Variants in GALNTL6 observed in about 807,000 individuals in gnomAD.
GALNTL6 encodes polypeptide N-acetylgalactosaminyltransferase like 6, also known as polypeptide N-acetylgalactosaminyltransferase-like 6.
A neutral mutation model predicts 73.7 loss-of-function variants in GALNTL6; 46 were observed. The ratio of observed to expected loss-of-function variants is 0.62; its 90% confidence interval spans 0.49 to 0.80. The LOEUF is 0.80. GALNTL6 is among the 30% of genes least tolerant of loss of function. The pLI, the probability that GALNTL6 is intolerant of heterozygous loss-of-function variation, is 0.00. For synonymous variants in GALNTL6, 259 were observed against 263.7 expected, an observed-to-expected ratio of 0.98 and a Z score of 0.17; for missense variants, 604 against 755.0, an observed-to-expected ratio of 0.80 and a Z score of 2.34.
chr4:172,347,892 A>G (rs1004028242), intron 4 of GALNTL6, among the ~76,000 whole-genome samples: 4 of 152,198 alleles, frequency 2.6e-5, no homozygotes, highest in African/African-American at 9.6e-5. Flanking sequence ...CAACAATGAA[A>G]AAAATGAACT....
At chr4:172,743,046 A>T (rs1163448653) in intron 5 of GALNTL6, among the ~76,000 whole-genome samples, 1 of 152,058 alleles carries the variant, frequency 6.6e-6, no homozygotes, top group East Asian at 1.9e-4. Context: ...TTCAACACTC[A>T]ATCTTTAAGA....
intron 5 of GALNTL6, among the ~76,000 whole-genome samples, chr4:172,647,243 G>T (rs1740280654): frequency 6.6e-6 from 1 of 152,074 alleles, no homozygotes; most frequent in Non-Finnish European, 1.5e-5. Flanking sequence ...TTGGTGAGGA[G>T]CTTCACAGAG....
chr4:172,422,713 A>G (rs1579057551), intron 5 of GALNTL6, among the ~76,000 whole-genome samples: 1 of 151,782 alleles, frequency 6.6e-6, no homozygotes, highest in Admixed American at 6.6e-5. Flanking sequence ...TACAGGTCTA[A>G]TGGATAATCC....
chr4:171,967,454 T>TTTTTTTTTG (rs761465231), intron 2 of GALNTL6, among the ~76,000 whole-genome samples: 1,142 of 44,488 alleles, frequency 0.026, 14 homozygotes, highest in Middle Eastern at 0.073. Flanking sequence ...TGGGTTTTTT[T>TTTTTTTTTG]TTTTTTTTTT....
chr4:172,373,989 C>T (rs1479134315), intron 5 of GALNTL6, among the ~76,000 whole-genome samples: 1 of 152,174 alleles, frequency 6.6e-6, no homozygotes, highest in Non-Finnish European at 1.5e-5. Flanking sequence ...TGAGCTGGCG[C>T]TTGCCCTGGG....
intron 2 of GALNTL6, among the ~76,000 whole-genome samples, chr4:172,134,534 G>A (rs1015355468): frequency 6.6e-6 from 1 of 152,188 alleles, no homozygotes; most frequent in Non-Finnish European, 1.5e-5. Flanking sequence ...CTGGGTAGAA[G>A]AGGGTATTTT....
chr4:172,138,496 TATATATA>T (rs1733704278), intron 2 of GALNTL6, among the ~76,000 whole-genome samples: 1 of 8,588 alleles, frequency 1.2e-4, no homozygotes, highest in Non-Finnish European at 3.9e-4. Flanking sequence ...TATATATATA[TATATATA>T]TATATATATA....
At chr4:171,988,851 G>A (rs1740214202) in intron 2 of GALNTL6, among the ~76,000 whole-genome samples, 1 of 152,090 alleles carries the variant, frequency 6.6e-6, no homozygotes, top group Admixed American at 6.5e-5. Flanking sequence ...TAAGGAGGGA[G>A]TAGAGGTGTC....
intron 5 of GALNTL6, among the ~76,000 whole-genome samples, chr4:172,782,679 G>A (rs1490735625): frequency 6.6e-6 from 1 of 152,016 alleles, no homozygotes; most frequent in Non-Finnish European, 1.5e-5. Context: ...CGGCTTCTTC[G>A]AAATCTGGGA....
chr4:172,607,960 G>T (rs1460647934), intron 5 of GALNTL6, among the ~76,000 whole-genome samples: 1 of 151,888 alleles, frequency 6.6e-6, no homozygotes, highest in African/African-American at 2.4e-5. Flanking sequence ...CTTTGCATGT[G>T]AATTTGGTGT....
chr4:172,760,205 C>G (rs1484421307), intron 5 of GALNTL6, among the ~76,000 whole-genome samples: 2 of 152,124 alleles, frequency 1.3e-5, no homozygotes, highest in African/African-American at 4.8e-5. Flanking sequence ...CCAGTGAACT[C>G]TGTAGGTAGG....
intron 5 of GALNTL6, among the ~76,000 whole-genome samples, chr4:172,356,705 T>A (rs1742174617): frequency 6.6e-6 from 1 of 152,148 alleles, no homozygotes; most frequent in African/African-American, 2.4e-5. Flanking sequence ...GATGAGGGAT[T>A]TGTAGGTGAC....
Position 172,375,438 on chromosome 4 carries a change from G to A in GALNTL6, c.553+26749G>A, listed in dbSNP as rs192434521. 9.8e-3 allele frequency among the ~76,000 whole-genome samples: 1,497 copies of A among 152,250 alleles called. 13 individuals carry two copies. Among genetic ancestry groups the A allele is most frequent in the Non-Finnish European group, 0.017 (1,176 of 68,028 alleles). On this transcript the variant is annotated intron_variant, in intron 5 of 12. Transcript: ENST00000506823. ...AGCTTTGGATGCATTTCAAGGGTGA[G>A]CCTCTTGATGCCTGAGTGTTTCCCA...
intron 3 of GALNTL6, among the ~76,000 whole-genome samples, chr4:172,232,090 G>C (rs73870042): frequency 6.6e-6 from 1 of 151,834 alleles, no homozygotes; most frequent in Non-Finnish European, 1.5e-5. Context: ...ATAAATAAAA[G>C]TGTATTAAGA....
chr4:171,814,364 T>C, intron 1 of GALNTL6, 48 bp from the exon 2 acceptor site: 1 of 596,634 alleles, frequency 1.7e-6, no homozygotes, highest in Non-Finnish European at 2.9e-6. Flanking sequence ...AGATAATGCC[T>C]TCGTCATAGT....
intron 5 of GALNTL6, among the ~76,000 whole-genome samples, chr4:172,428,770 T>C (rs1334591905): frequency 2.0e-5 from 3 of 152,216 alleles, no homozygotes; most frequent in Admixed American, 1.3e-4. Flanking sequence ...ACAATTTTTT[T>C]CCAAAGTATT....
chr4:172,806,373 A>G (rs899892573), intron 5 of GALNTL6, among the ~76,000 whole-genome samples: 1 of 152,258 alleles, frequency 6.6e-6, no homozygotes, highest in African/African-American at 2.4e-5. Context: ...TACGAAAAAT[A>G]TGCAGTATCA....
intron 5 of GALNTL6, among the ~76,000 whole-genome samples, chr4:172,802,022 C>T (rs529594237): frequency 2.3e-4 from 35 of 152,214 alleles, no homozygotes; most frequent in Middle Eastern, 3.4e-3. Flanking sequence ...ATTCCCTTTC[C>T]ACTTCTTTTT....
chr4:172,356,081 G>A (rs925370660), intron 5 of GALNTL6, among the ~76,000 whole-genome samples: 1 of 152,144 alleles, frequency 6.6e-6, no homozygotes, highest in Non-Finnish European at 1.5e-5. Flanking sequence ...ATATGGGTTT[G>A]GCATAGAAGG....
Sources: allele counts gnomAD v4.1 joint callset (sites outside exome capture counted in the v4.1 genomes callset), GRCh38; gene constraint gnomAD v4.1.1; transcripts MANE v1.5; gene names NCBI Gene and HGNC (gene_info 2026-07-23, HGNC 2026-07-21).